PALM2AKAP2: variants seen among roughly 807,000 people sequenced by gnomAD.
PALM2AKAP2 encodes the protein PALM2-AKAP2 fusion protein.
PALM2AKAP2 carries 37 observed loss-of-function variants against 71.5 expected under a neutral mutation model. That is an observed-to-expected ratio of 0.52 (90% CI 0.40 to 0.68). The LOEUF is 0.68. Ranked by LOEUF, PALM2AKAP2 falls within the 30% of genes least tolerant of loss-of-function variation. The pLI, the probability that PALM2AKAP2 is intolerant of heterozygous loss-of-function variation, is 0.00. For synonymous variants in PALM2AKAP2, 468 were observed against 478.8 expected (o/e 0.98, Z 0.29); for missense variants, 1,224 against 1,191.8 (o/e 1.03, Z -0.40).
intron 3 of PALM2AKAP2, among the ~76,000 whole-genome samples, chr9:109,898,927 A>G (rs1830267611): frequency 6.6e-6 from 1 of 151,776 alleles, no homozygotes; most frequent in Non-Finnish European, 1.5e-5. Context: ...CTTGAAACAC[A>G]CTCTCTCCTT....
chr9:110,025,185 A>G, intron 7 of PALM2AKAP2: 4 of 1,381,432 alleles, frequency 2.9e-6, no homozygotes. Flanking sequence ...CAGTTTTGCC[A>G]TGGTAACACT....
intron 2 of PALM2AKAP2, among the ~76,000 whole-genome samples, chr9:110,143,354 C>T (rs182539605): frequency 3.7e-3 from 489 of 133,206 alleles, no homozygotes; most frequent in Middle Eastern, 8.9e-3. Flanking sequence ...CCCAGGTGTT[C>T]AAGGCTGCAG....
chr9:109,978,255 A>T (rs946999557), intron 6 of PALM2AKAP2, among the ~76,000 whole-genome samples: 4 of 152,122 alleles, frequency 2.6e-5, no homozygotes, highest in African/African-American at 7.2e-5. Flanking sequence ...CAGAGATGTC[A>T]GTGGAGGTTG....
At chr9:109,943,092 G>A in intron 6 of PALM2AKAP2, 1 of 1,614,238 alleles carries the variant, frequency 6.2e-7, no homozygotes. Context: ...GCGCTGCAGG[G>A]CCGGAGGCAA....
At chr9:109,867,640 GT>G in intron 2 of PALM2AKAP2, 69 bp downstream of exon 2, 1 of 1,512,724 alleles carries the variant, frequency 6.6e-7, no homozygotes. Flanking sequence ...GAGCTGGGCA[GT>G]GCCTGCCCTG....
chr9:110,029,283 G>T (rs536527888), intron 7 of PALM2AKAP2, among the ~76,000 whole-genome samples: 2 of 152,260 alleles, frequency 1.3e-5, no homozygotes, highest in Admixed American at 6.5e-5. Flanking sequence ...CTTCTTTTTA[G>T]TTGGGATATC....
intron 1 of PALM2AKAP2, among the ~76,000 whole-genome samples, chr9:109,701,987 A>G (rs79424035): frequency 6.6e-6 from 1 of 152,258 alleles, no homozygotes; most frequent in African/African-American, 2.4e-5. Context: ...GACACACGAA[A>G]AAATGCTCAT....
chr9:109,824,212 G>A (rs1258146533), intron 1 of PALM2AKAP2, among the ~76,000 whole-genome samples: 1 of 152,158 alleles, frequency 6.6e-6, no homozygotes, highest in Non-Finnish European at 1.5e-5. Context: ...TAGTGTGTCT[G>A]CCACAAGGGT....
intron 7 of PALM2AKAP2, 30 bp downstream of exon 7, chr9:110,016,069 A>C (rs1175208062): frequency 1.2e-5 from 19 of 1,603,608 alleles, no homozygotes; most frequent in Non-Finnish European, 1.4e-5. Context: ...TTGATTCTCA[A>C]AGTGTATCTC....
chr9:110,092,451 G>A (rs1834735748), intron 1 of PALM2AKAP2, among the ~76,000 whole-genome samples: 1 of 152,144 alleles, frequency 6.6e-6, no homozygotes, highest in African/African-American at 2.4e-5. Flanking sequence ...ACTGTGTAAT[G>A]TATTATATGC....
chr9:109,658,009 A>G lies in PALM2AKAP2; in HGVS notation c.5+17143A>G, dbSNP rs893212276. Among the ~76,000 whole-genome samples the G allele has an allele frequency of 6.6e-5, 10 of 150,820 alleles. No homozygotes were observed. In the East Asian group the frequency reaches 7.7e-4, roughly 12 times the overall value. Reference sequence around the variant, plus strand: ...ATGTATATTGTGGCAAAAAGAGAGGACTCACAGAGGAGGCCAAAGTATTTT... The same window carrying G: ...ATGTATATTGTGGCAAAAAGAGAGGGCTCACAGAGGAGGCCAAAGTATTTT... On this transcript the variant is annotated intron_variant, in intron 1 of 6. Coordinates refer to the PALM2AKAP2 transcript ENST00000374531.
At chr9:110,158,270 G>T (rs1410527908) in intron 3 of PALM2AKAP2, among the ~76,000 whole-genome samples, 3 of 152,200 alleles carry the variant, frequency 2.0e-5, no homozygotes, top group Non-Finnish European at 4.4e-5. Flanking sequence ...TAGGTGTCTG[G>T]TTTCTTTTCT....
chr9:109,858,850 C>G (rs80295254), intron 1 of PALM2AKAP2, among the ~76,000 whole-genome samples: 2,396 of 152,190 alleles, frequency 0.016, 72 homozygotes, highest in African/African-American at 0.055. Context: ...TGAAGCACTC[C>G]TAGCAAAGAA....
At chr9:109,936,814 C>G (rs1233635084) in intron 6 of PALM2AKAP2, among the ~76,000 whole-genome samples, 1 of 152,180 alleles carries the variant, frequency 6.6e-6, no homozygotes, top group Non-Finnish European at 1.5e-5. Flanking sequence ...TCTCCCTCCT[C>G]CCATCTCCCT....
chr9:109,928,711 A>C (rs1180235069), intron 5 of PALM2AKAP2, among the ~76,000 whole-genome samples: 2 of 142,074 alleles, frequency 1.4e-5, no homozygotes, highest in African/African-American at 2.6e-5. Context: ...TCACTCTGTC[A>C]CCCGGGCTGG....
At chr9:109,715,481 C>T (rs1336474513) in intron 1 of PALM2AKAP2, among the ~76,000 whole-genome samples, 1 of 152,134 alleles carries the variant, frequency 6.6e-6, no homozygotes, top group African/African-American at 2.4e-5. Context: ...TTCTTCTTCC[C>T]AGGGATGCAT....
intron 1 of PALM2AKAP2, among the ~76,000 whole-genome samples, chr9:109,763,554 C>G (rs1829095225): frequency 6.6e-6 from 1 of 152,126 alleles, no homozygotes; most frequent in Non-Finnish European, 1.5e-5. Flanking sequence ...AGTTTCTTAG[C>G]TATGTTAGTT....
chr9:109,643,906 C>T (rs1189856174), intron 1 of PALM2AKAP2, among the ~76,000 whole-genome samples: 11 of 152,192 alleles, frequency 7.2e-5, no homozygotes, highest in South Asian at 2.1e-4. Context: ...GCTCAGCTTC[C>T]GGTGAGGCCT....
At position 109,667,928 on chromosome 9, in the gene PALM2AKAP2, G is replaced by GTTTTT. The variant is rs1213195298; in HGVS notation, c.5+27084_5+27088dup. Among the ~76,000 whole-genome samples, 7 of 56,614 alleles carry GTTTTT rather than the reference G, an allele frequency of 1.2e-4. 2 individuals are homozygous for GTTTTT. The highest frequency in any genetic ancestry group is 1.1e-3 in the South Asian group (2 of 1,840). 37.1% of individuals were successfully genotyped at this position (56,614 alleles called of 152,430 possible). A position where few individuals can be genotyped will look rare whatever the true frequency, so the allele number is the denominator to read the frequency against. Reference sequence around the variant, plus strand: ...AATACCTTTGAAAATGATGGCTTTGGTTTTTTTTTTTTTTTTTTTTTTTTT... The same window carrying GTTTTT: ...AATACCTTTGAAAATGATGGCTTTGGTTTTTTTTTTTTTTTTTTTTTTTTTTTTTT... On this transcript the variant is annotated intron_variant, in intron 1 of 6. Coordinates refer to the PALM2AKAP2 transcript ENST00000374531.
Sources: allele counts gnomAD v4.1 joint callset (sites outside exome capture counted in the v4.1 genomes callset), GRCh38; gene constraint gnomAD v4.1.1; transcripts MANE v1.5; gene names NCBI Gene and HGNC (gene_info 2026-07-23, HGNC 2026-07-21).